AATK: variants seen among roughly 807,000 people sequenced by gnomAD.
AATK encodes lemur tail kinase 1.
A neutral mutation model predicts 114.3 loss-of-function variants in AATK; 91 were observed. The ratio of observed to expected loss-of-function variants is 0.80; its 90% CI spans 0.67 to 0.95. The LOEUF is 0.95. Among genes scored for constraint, AATK ranks in the 40% least tolerant of loss-of-function variants. The probability of loss-of-function intolerance (pLI) is 0.00; values close to 1 mark genes in which losing one functional copy is unlikely to be tolerated. For synonymous variants in AATK, 1,075 were observed against 916.5 expected (o/e 1.17, Z -3.12); for missense variants, 2,176 against 1,965.2 (o/e 1.11, Z -2.03).
At chr17:81,128,017 C>T in intron 4 of AATK, 107 bp from the exon 5 acceptor site, 1 of 1,358,012 alleles carries the variant, frequency 7.4e-7, no homozygotes, top group Non-Finnish European at 1.0e-6. Context: ...GGACAGGACA[C>T]TTCTCCTCCT....
chr17:81,145,234 C>CAA (rs761538299), intron 1 of AATK, among the ~76,000 whole-genome samples: 21 of 121,168 alleles, frequency 1.7e-4, no homozygotes, highest in East Asian at 5.2e-4. Context: ...GAGACTCCAT[C>CAA]AAAAAAAAAA....
chr17:81,163,967 G>C (rs1239100922), intron 1 of AATK, among the ~76,000 whole-genome samples: 4 of 152,198 alleles, frequency 2.6e-5, no homozygotes, highest in African/African-American at 4.8e-5. Flanking sequence ...CTCCCCTCTG[G>C]GTGCCCCCCC....
chr17:81,160,172 C>T (rs969663584), intron 1 of AATK: 7 of 805,546 alleles, frequency 8.7e-6, no homozygotes, highest in African/African-American at 1.9e-5. Flanking sequence ...CTCCTGGCCA[C>T]GGCCCCCACC....
At chr17:81,159,086 C>G (rs1408389549) in intron 1 of AATK, among the ~76,000 whole-genome samples, 1 of 152,102 alleles carries the variant, frequency 6.6e-6, no homozygotes, top group Non-Finnish European at 1.5e-5. Flanking sequence ...GTGATGCCCT[C>G]GGGCATGGGG....
chr17:81,119,790 TGAC>T (rs2060672492), intron 12 of AATK, 143 bp downstream of exon 12: 4 of 1,288,946 alleles, frequency 3.1e-6, no homozygotes, highest in Non-Finnish European at 4.0e-6. Flanking sequence ...CCGCCTCCCA[TGAC>T]GACACGGGCC....
At chr17:81,150,164 T>C (rs1372012781) in intron 1 of AATK, among the ~76,000 whole-genome samples, 1 of 152,114 alleles carries the variant, frequency 6.6e-6, no homozygotes, top group Non-Finnish European at 1.5e-5. Context: ...CTGATGAGAA[T>C]GTTCTGGAAC....
chr17:81,119,153 AGGT>A, intron 13 of AATK, among the ~76,000 whole-genome samples: 1 of 53,430 alleles, frequency 1.9e-5, no homozygotes, highest in Non-Finnish European at 5.0e-5. Context: ...GGTGAGGGTC[AGGT>A]GAGGGTCAGG....
Position 81,120,980 on chromosome 17 carries a change from G to T in AATK, c.2956C>A (p.Leu986Ile), listed in dbSNP as rs959837137. The part of the protein sequence containing the change: ...ETRLSTSLSG[L>I]NEKNPYRDSA... ...TCTCGGTAGGGATTCTTCTCGTTGAGGCCACTGAGGGAGGTGGAGAGCCGT... is the reference window on the plus strand; with the variant it reads ...TCTCGGTAGGGATTCTTCTCGTTGATGCCACTGAGGGAGGTGGAGAGCCGT... Residue 986 changes from leucine (L) to isoleucine (I), a missense_variant, in exon 11 of 14, where the codon CTC (leucine) becomes ATC (isoleucine). Physicochemically the swap from Leu to Ile is conservative, Grantham distance 5. This residue lies in a region of AATK where 1,701 missense variants were observed against 1,394.7 expected (regional missense o/e 1.22). Transcript: ENST00000326724. The T allele has an allele frequency of 6.2e-7, 1 of 1,610,484 alleles. No homozygotes were observed. Among genetic ancestry groups the T allele is most frequent in the Non-Finnish European group, 8.5e-7 (1 of 1,179,038 alleles).
Position 81,126,014 on chromosome 17 carries a change from C to G in AATK, c.755+413G>C. The G allele has an allele frequency of 2.1e-6, 1 of 476,598 alleles. No individual in the cohort carries two copies. Among genetic ancestry groups the G allele is most frequent in the Non-Finnish European group, 4.3e-6 (1 of 231,872 alleles). The allele number at this position is 476,598 out of a possible 1,614,324, so 29.5% of individuals were successfully genotyped here. On this transcript the variant is annotated intron_variant, in intron 7 of 13. Coordinates refer to ENST00000326724, the MANE Select transcript of AATK (RefSeq NM_001080395.3). This position sits in a 1 kb window ranked among gnomAD's most constrained non-coding sequence, Gnocchi z 5.1. The stretch of plus-strand genomic sequence containing the variant: ...TCCTTCGCCACTTCTTCCAGCATGT[C>G]CCCCCGGGGTCCCCAGGGGCTGGGC...
chr17:81,124,187 A>T (rs9895415), intron 9 of AATK, among the ~76,000 whole-genome samples: 1 of 151,410 alleles, frequency 6.6e-6, no homozygotes, highest in Non-Finnish European at 1.5e-5. Context: ...TTGGGGAAGC[A>T]GCAGAGGTGA....
intron 1 of AATK, among the ~76,000 whole-genome samples, chr17:81,139,889 C>A (rs2146354729): frequency 6.6e-6 from 1 of 152,358 alleles, no homozygotes. Context: ...ACTGTCCACA[C>A]AAGGAACCAG....
At chr17:81,160,054 C>T (rs908607492) in intron 1 of AATK, among the ~76,000 whole-genome samples, 1 of 152,166 alleles carries the variant, frequency 6.6e-6, no homozygotes, top group African/African-American at 2.4e-5. Flanking sequence ...CTGCCCCTCA[C>T]TCCCCCTGGG....
In AATK at chr17:81,133,059, C is replaced by T. The variant is rs1281268850; in HGVS notation, c.189+1309G>A. On this transcript the variant is annotated intron_variant, in intron 2 of 13. Transcript: ENST00000326724. Reference sequence around the variant, plus strand: ...GATCCCCAGGAAGGCGCCTGCGCGGCCTGGCCTGGCCCCTGGTGCCAGCGG... The same window carrying T: ...GATCCCCAGGAAGGCGCCTGCGCGGTCTGGCCTGGCCCCTGGTGCCAGCGG... 3 of 326,842 alleles carry T rather than the reference C, an allele frequency of 9.2e-6. No homozygotes were observed. In the Admixed American group the frequency reaches 1.3e-4, roughly 14 times the overall value. The allele number at this position is 326,842 out of a possible 1,614,324, so 20.2% of individuals were successfully genotyped here.
chr17:81,119,674 T>G lies in AATK; in HGVS notation c.3884-94A>C, dbSNP rs897233802. 1.0e-4 allele frequency: 61 copies of G among 591,162 alleles called. No homozygotes were observed. The African/African-American group carries it at 1.8e-3, about 17-fold the overall frequency. The allele number at this position is 591,162 out of a possible 1,614,324, so 36.6% of individuals were successfully genotyped here. A position where few individuals can be genotyped will look rare whatever the true frequency, so the allele number is the denominator to read the frequency against. On this transcript the variant is annotated intron_variant, in intron 12 of 13. Transcript: ENST00000326724. Reference sequence around the variant, plus strand: ...TCACGGGCCCAGGCCCCGCCTCCCATCATGTCACGGGCCCAGGCCCCGCCT... The same window carrying G: ...TCACGGGCCCAGGCCCCGCCTCCCAGCATGTCACGGGCCCAGGCCCCGCCT...
intron 1 of AATK, among the ~76,000 whole-genome samples, chr17:81,145,215 C>A (rs565887463): frequency 7.3e-6 from 1 of 137,004 alleles, no homozygotes; most frequent in African/African-American, 2.7e-5. Context: ...CCTGGGCTAT[C>A]GATAGAGTGA....
Position 81,134,401 on chromosome 17 carries a change from G to A in AATK, c.156C>T (p.Cys52=), listed in dbSNP as rs763343919. The A allele has an allele frequency of 1.9e-6, 3 of 1,613,172 alleles. No homozygotes were observed. The African/African-American group carries it at 4.0e-5, about 22-fold the overall frequency. The part of the protein sequence containing the change: ...LFAVIVLMLA[C]LCCKKGGIGF... The stretch of plus-strand genomic sequence containing the variant: ...CGATACCGCCCTTCTTACAGCACAG[G>A]CAGGCCAGCATGAGGACGATGACGG... Residue 52 remains cysteine, a synonymous_variant, in exon 2 of 14, where the codon TGC becomes TGT. Coordinates refer to ENST00000326724, the MANE Select transcript of AATK (RefSeq NM_001080395.3).
At chr17:81,162,840 G>A (rs2061441947) in intron 1 of AATK, among the ~76,000 whole-genome samples, 1 of 152,122 alleles carries the variant, frequency 6.6e-6, no homozygotes. Flanking sequence ...CGGGGGTTGG[G>A]GGGTGGCAAA....
chr17:81,146,609 G>A (rs1279068489), intron 1 of AATK, among the ~76,000 whole-genome samples: 1 of 152,066 alleles, frequency 6.6e-6, no homozygotes, highest in Non-Finnish European at 1.5e-5. Flanking sequence ...CCAGCTACTC[G>A]GGAGGCTGAG....
At chr17:81,145,601 C>T (rs1252581135) in intron 1 of AATK, among the ~76,000 whole-genome samples, 1 of 151,980 alleles carries the variant, frequency 6.6e-6, no homozygotes, top group Non-Finnish European at 1.5e-5. Flanking sequence ...GGCGTGGTGG[C>T]ATGCTTCTGT....
Sources: gnomAD v4.1 joint callset for allele counts (sites outside exome capture counted in the v4.1 genomes callset) on GRCh38, gnomAD v4.1.1 for gene constraint, gnomAD v4.1.1 regional missense constraint, Gnocchi (gnomAD v3.1) non-coding constraint, MANE v1.5 for transcripts, NCBI Gene and HGNC (gene_info 2026-07-23, HGNC 2026-07-21) for gene names.